TASP1: variants seen among roughly 807,000 people sequenced by gnomAD.
TASP1 encodes the protein threonine aspartase 1.
A neutral mutation model predicts 56.6 loss-of-function variants in TASP1; 16 were observed. The observed-to-expected ratio is 0.28, with a 90% confidence interval of 0.19 to 0.43. TASP1 has a LOEUF of 0.43. Among genes scored for constraint, TASP1 ranks in the 20% least tolerant of loss-of-function variants. The pLI is 1.00. For missense variants in TASP1, 393 were observed against 511.6 expected (o/e 0.77, Z 2.24); for synonymous variants, 179 against 184.2 (o/e 0.97, Z 0.23).
downstream of TASP1, among the ~76,000 whole-genome samples, chr20:13,388,047 T>A (rs1255936856): frequency 2.0e-5 from 3 of 152,204 alleles, no homozygotes; most frequent in Non-Finnish European, 4.4e-5. Flanking sequence ...AGACCAGGCT[T>A]AATTCTACTC....
At chr20:13,288,668 C>A in the TASP1 span, 2 of 1,613,756 alleles carry the variant, frequency 1.2e-6, no homozygotes, top group African/African-American at 2.7e-5. Flanking sequence ...GACCTGTGAC[C>A]GTCCAAACTG....
rs113438626 is a variant in TASP1 at position 13,393,818 on chromosome 20, A to G, written c.1171-3366T>C. 7 of 543,132 alleles carry G rather than the reference A, an allele frequency of 1.3e-5. No homozygotes were observed. In the Admixed American group the frequency reaches 2.1e-4, roughly 17 times the overall value. 33.6% of individuals were successfully genotyped at this position (543,132 alleles called of 1,614,324 possible). On this transcript the variant is annotated intron_variant, in intron 13 of 13. Coordinates refer to ENST00000337743, the MANE Select transcript of TASP1 (RefSeq NM_017714.3). ...GTCCATGCAGACACCCTGAAGAGGG[A>G]GGGGCCTAGGGAGCCCCACCCTGTT...
chr20:13,354,806 G>GA, the TASP1 span, among the ~76,000 whole-genome samples: 162 of 147,778 alleles, frequency 1.1e-3, no homozygotes, highest in Middle Eastern at 3.5e-3. Flanking sequence ...GGTCTTTAGA[G>GA]AAAAAAAAAA....
At chr20:13,421,953 C>CTTTTTTTTTTTTTTTTTTTTT (rs1179688722) in intron 12 of TASP1, among the ~76,000 whole-genome samples, 2 of 139,042 alleles carry the variant, frequency 1.4e-5, no homozygotes, top group Non-Finnish European at 3.1e-5. Flanking sequence ...TCTGTTTAAC[C>CTTTTTTTTTTTTTTTTTTTTT]TTTTTTTTTT....
the TASP1 span, among the ~76,000 whole-genome samples, chr20:13,277,509 G>A: frequency 6.6e-6 from 1 of 152,138 alleles, no homozygotes; most frequent in African/African-American, 2.4e-5. Context: ...CCAGCTGTGT[G>A]CTCCTTCTCC....
At chr20:13,176,467 T>A in the TASP1 span, among the ~76,000 whole-genome samples, 1 of 152,212 alleles carries the variant, frequency 6.6e-6, no homozygotes, top group South Asian at 2.1e-4. Flanking sequence ...ATCAAGGTGA[T>A]CATATGATTT....
At chr20:13,379,948 TG>T in the TASP1 span, among the ~76,000 whole-genome samples, 1 of 152,238 alleles carries the variant, frequency 6.6e-6, no homozygotes, top group South Asian at 2.1e-4. Context: ...TTCTCTAGAC[TG>T]GTTATTCTAG....
Position 13,580,953 on chromosome 20 carries a change from G to A in TASP1, c.432C>T (p.Asn144=). 6.2e-7 allele frequency: 1 copy of A among 1,608,652 alleles called. No individual in the cohort carries two copies. Among genetic ancestry groups the A allele is most frequent in the Non-Finnish European group, 8.5e-7 (1 of 1,178,192 alleles). The stretch of plus-strand genomic sequence containing the variant: ...CCTTCTGCCCTTCACATAAGAGTCT[G>A]TTGGCAACCGAGACTGGGTTCTTGA... ...SGIKNPVSVA[N]RLLCEGQKGK... is the part of the protein sequence containing the mutation. The change falls in exon 6 of 14, where the codon AAC becomes AAT. Residue 144 remains asparagine, a synonymous_variant. Coordinates refer to ENST00000337743, the MANE Select transcript of TASP1 (RefSeq NM_017714.3).
chr20:13,106,492 G>A, the TASP1 span, among the ~76,000 whole-genome samples: 3 of 152,164 alleles, frequency 2.0e-5, no homozygotes, highest in Non-Finnish European at 2.9e-5. Context: ...TGATGAGTGA[G>A]CATTCTCCAG....
chr20:13,338,848 C>A, the TASP1 span, among the ~76,000 whole-genome samples: 2 of 152,144 alleles, frequency 1.3e-5, no homozygotes, highest in Non-Finnish European at 2.9e-5. Flanking sequence ...TCTGGTCTTA[C>A]AGAGTAAGCA....
intron 5 of TASP1, among the ~76,000 whole-genome samples, chr20:13,584,063 C>G (rs2047216769): frequency 6.6e-6 from 1 of 150,430 alleles, no homozygotes; most frequent in African/African-American, 2.4e-5. Flanking sequence ...TCGGCCAACA[C>G]CCAGAGCTAG....
the TASP1 span, among the ~76,000 whole-genome samples, chr20:13,288,041 C>T: frequency 6.6e-6 from 1 of 152,164 alleles, no homozygotes; most frequent in Non-Finnish European, 1.5e-5. Flanking sequence ...TGTGATGTCC[C>T]ATAATTCACA....
intron 4 of TASP1, chr20:13,614,887 A>G: frequency 2.2e-6 from 1 of 458,086 alleles, no homozygotes; most frequent in South Asian, 1.7e-5. Context: ...GCTAAAACAG[A>G]AAAGACAAAT....
the TASP1 span, chr20:13,299,387 C>T: frequency 5.6e-6 from 9 of 1,613,398 alleles, no homozygotes; most frequent in South Asian, 5.5e-5. This position sits in a 1 kb window ranked among gnomAD's most constrained non-coding sequence, Gnocchi z 5.8. Flanking sequence ...CTCCCAACAA[C>T]GGACAGAAGT....
chr20:13,224,876 T>C, the TASP1 span, among the ~76,000 whole-genome samples: 50,102 of 140,838 alleles, frequency 0.36, 10,294 homozygotes, highest in East Asian at 0.84. Flanking sequence ...GACGCAGTCT[T>C]GCTCTGTCGC....
chr20:13,487,875 A>G (rs1357761069), intron 10 of TASP1, among the ~76,000 whole-genome samples: 1 of 152,174 alleles, frequency 6.6e-6, no homozygotes, highest in African/African-American at 2.4e-5. Context: ...AATCTTCTTA[A>G]TGTTTTTTGC....
downstream of TASP1, among the ~76,000 whole-genome samples, chr20:13,388,563 G>A (rs760515898): frequency 3.7e-4 from 57 of 152,084 alleles, no homozygotes; most frequent in Non-Finnish European, 7.1e-4. Context: ...TGAAAGAAGT[G>A]GCATTCCTGG....
At chr20:13,165,399 T>A in the TASP1 span, 4 of 152,764 alleles carry the variant, frequency 2.6e-5, no homozygotes, top group South Asian at 4.1e-4. Context: ...TTTGTCACAT[T>A]TGGACGTTTT....
chr20:13,402,279 C>T (rs946791672), intron 13 of TASP1, among the ~76,000 whole-genome samples: 1 of 152,112 alleles, frequency 6.6e-6, no homozygotes, highest in Non-Finnish European at 1.5e-5. Context: ...ATAAAATTAC[C>T]AACGACTGTT....
Sources: gnomAD v4.1 joint callset for allele counts (sites outside exome capture counted in the v4.1 genomes callset) on GRCh38, gnomAD v4.1.1 for gene constraint, Gnocchi (gnomAD v3.1) non-coding constraint, MANE v1.5 for transcripts, NCBI Gene and HGNC (gene_info 2026-07-23, HGNC 2026-07-21) for gene names.